Variants in TRANK1 observed in about 807,000 individuals in gnomAD.
TRANK1 encodes TPR and ankyrin repeat-containing protein 1.
In TRANK1, 198 loss-of-function variants were observed where a neutral mutation model predicts 266.0. That is an observed-to-expected ratio of 0.74 (90% confidence interval 0.66 to 0.84). TRANK1 has a LOEUF of 0.84. Among genes scored for constraint, TRANK1 ranks in the 40% least tolerant of loss-of-function variants. TRANK1 has a pLI of 0.00. For synonymous variants in TRANK1, 1,396 were observed against 1,384.1 expected (o/e 1.01, Z -0.19); for missense variants, 3,326 against 3,634.6 (o/e 0.92, Z 2.18).
chr3:36,838,191 G>C (rs2078795404), intron 20 of TRANK1, among the ~76,000 whole-genome samples, 181 bp downstream of exon 20: 1 of 152,160 alleles, frequency 6.6e-6, no homozygotes, highest in Non-Finnish European at 1.5e-5. Flanking sequence ...ACTGTCTTCA[G>C]AGCCTCCTCA....
intron 2 of TRANK1, among the ~76,000 whole-genome samples, chr3:36,905,058 G>C (rs1473712562): frequency 6.6e-6 from 1 of 151,952 alleles, no homozygotes; most frequent in Non-Finnish European, 1.5e-5. Context: ...AGGAGGCCGA[G>C]CGGGCGGATC....
At chr3:36,878,727 A>G (rs1277442385) in intron 8 of TRANK1, among the ~76,000 whole-genome samples, 1 of 151,842 alleles carries the variant, frequency 6.6e-6, no homozygotes, top group African/African-American at 2.4e-5. Context: ...CAGTTTACCT[A>G]TATAATAAAC....
At chr3:36,916,527 T>C (rs2080126386) in intron 1 of TRANK1, among the ~76,000 whole-genome samples, 1 of 152,138 alleles carries the variant, frequency 6.6e-6, no homozygotes, top group Admixed American at 6.5e-5. Flanking sequence ...GCCACTGCAC[T>C]CCAGCCTGGG....
At chr3:36,836,307 GGGAGCCA>G (rs11278642) in intron 20 of TRANK1, among the ~76,000 whole-genome samples, 55,728 of 151,616 alleles carry the variant, frequency 0.37, 10,650 homozygotes, top group African/African-American at 0.45. Flanking sequence ...TGCTATGTGT[GGGAGCCA>G]GGAGCCAGTG....
chr3:36,877,873 TAAAC>T (rs1456698959), intron 8 of TRANK1, among the ~76,000 whole-genome samples: 1 of 152,236 alleles, frequency 6.6e-6, no homozygotes, highest in Admixed American at 6.5e-5. Context: ...TTTTAAATAA[TAAAC>T]AATATACAGT....
At position 36,879,794 on chromosome 3, in the gene TRANK1, A is replaced by ATGTAAATATACAAATATATG. The variant is rs1297161012; in HGVS notation, c.908-5499_908-5498insCATATATTTGTATATTTACA. 6.4e-5 allele frequency among the ~76,000 whole-genome samples: 3 copies of ATGTAAATATACAAATATATG among 47,082 alleles called. 1 individual carries two copies. The highest frequency in any genetic ancestry group is 1.1e-4 in the Non-Finnish European group (3 of 26,546). The allele number at this position is 47,082 out of a possible 152,430, so 30.9% of individuals were successfully genotyped here. A position where few individuals can be genotyped will look rare whatever the true frequency, so the allele number is the denominator to read the frequency against. On this transcript the variant is annotated intron_variant, in intron 8 of 23. Coordinates refer to ENST00000645898, the MANE Select transcript of TRANK1 (RefSeq NM_001329998.2). Reference sequence around the variant, plus strand: ...TAAATATATATAAATATGTAAATATATAAATATACAAATATATGTAAATAT... The same window carrying ATGTAAATATACAAATATATG: ...TAAATATATATAAATATGTAAATATATGTAAATATACAAATATATGTAAATATACAAATATATGTAAATAT...
chr3:36,851,318 T>C (rs2078981859), intron 15 of TRANK1: 2 of 993,694 alleles, frequency 2.0e-6, no homozygotes, highest in Non-Finnish European at 2.4e-6. Flanking sequence ...TCTCTATCTA[T>C]GAACTGACCT....
chr3:36,917,619 G>A (rs776254119), intron 1 of TRANK1, among the ~76,000 whole-genome samples: 1 of 152,186 alleles, frequency 6.6e-6, no homozygotes, highest in Non-Finnish European at 1.5e-5. Context: ...AGAGAAGAGA[G>A]AGGCGAGTTT....
In TRANK1 at chr3:36,829,495, C is replaced by T. The variant is rs377511972; in HGVS notation, c.8809+69G>A. 2.9e-5 allele frequency: 44 copies of T among 1,520,842 alleles called. No homozygotes were observed. The East Asian group carries it at 4.8e-4, about 16-fold the overall frequency. 94.2% of individuals were successfully genotyped at this position (1,520,842 alleles called of 1,614,324 possible). A position where few individuals can be genotyped will look rare whatever the true frequency, so the allele number is the denominator to read the frequency against. On this transcript the variant is annotated intron_variant, in intron 23 of 23. Coordinates refer to ENST00000645898, the MANE Select transcript of TRANK1 (RefSeq NM_001329998.2). ...GGGCTGCCCCACTTCAGATTCCCCC[C>T]GGGAGCCAGCAGTAATAAGAACCAC... is the stretch of plus-strand genomic sequence containing the variant.
chr3:36,944,765 T>G, intron 1 of TRANK1, 22 bp downstream of exon 1: 1 of 1,500,058 alleles, frequency 6.7e-7, no homozygotes, highest in Non-Finnish European at 8.8e-7. Flanking sequence ...GATGCCCCAG[T>G]GCTTCCCGCG....
In TRANK1 at chr3:36,884,421, T is replaced by C. The variant is rs1483976829; in HGVS notation, c.907+5408A>G. On this transcript the variant is annotated intron_variant, in intron 8 of 23. Transcript: ENST00000645898. ...TGAACCTGGAACACCTTGTGGTGTC[T>C]GAAAGTAAGGAAGTGCTCAAGGGGA... Among the ~76,000 whole-genome samples the C allele has an allele frequency of 5.9e-5, 9 of 152,128 alleles. No homozygotes were observed. In the East Asian group the frequency reaches 1.7e-3, roughly 29 times the overall value.
chr3:36,877,439 A>G (rs1032433806), intron 8 of TRANK1, among the ~76,000 whole-genome samples: 4 of 152,228 alleles, frequency 2.6e-5, no homozygotes, highest in Non-Finnish European at 5.9e-5. Context: ...TCCTTCAAAC[A>G]AGAAATTTCT....
chr3:36,889,260 A>G (rs932427403), intron 8 of TRANK1, among the ~76,000 whole-genome samples: 8 of 152,218 alleles, frequency 5.3e-5, no homozygotes, highest in Admixed American at 3.3e-4. Context: ...AAGAAAAATG[A>G]GTGACATCAG....
intron 20 of TRANK1, among the ~76,000 whole-genome samples, chr3:36,837,272 G>A (rs1259693047): frequency 6.6e-6 from 1 of 152,154 alleles, no homozygotes; most frequent in Non-Finnish European, 1.5e-5. Context: ...TTGTATCCCT[G>A]TTCCATTCCC....
In TRANK1 at chr3:36,858,914, A is replaced by AAGCGCAATGTG; in HGVS notation, c.1496-31_1496-21dup. On this transcript the variant is annotated intron_variant, in intron 11 of 23. Coordinates refer to ENST00000645898, the MANE Select transcript of TRANK1 (RefSeq NM_001329998.2). The stretch of plus-strand genomic sequence containing the variant: ...GCAAGGCTGGGAGAGGAGAGAAGGG[A>AAGCGCAATGTG]AGCGCAATGTGAGCAGGCACAGCCT... The AAGCGCAATGTG allele has an allele frequency of 2.0e-6, 3 of 1,524,254 alleles. No individual in the cohort carries two copies. Among genetic ancestry groups the AAGCGCAATGTG allele is most frequent in the Non-Finnish European group, 2.6e-6 (3 of 1,140,710 alleles). The allele number at this position is 1,524,254 out of a possible 1,614,324, so 94.4% of individuals were successfully genotyped here. A position where few individuals can be genotyped will look rare whatever the true frequency, so the allele number is the denominator to read the frequency against.
At chr3:36,841,727 G>C (rs955500195) in intron 18 of TRANK1, among the ~76,000 whole-genome samples, 3 of 152,158 alleles carry the variant, frequency 2.0e-5, no homozygotes, top group African/African-American at 7.2e-5. Context: ...GAATTCTGCT[G>C]AGGGAACGGA....
At chr3:36,879,889 CATGCAAATATAT>C (rs2079482601) in intron 8 of TRANK1, among the ~76,000 whole-genome samples, 1 of 19,812 alleles carries the variant, frequency 5.0e-5, no homozygotes, top group Non-Finnish European at 9.3e-5. Flanking sequence ...TATATGTAAA[CATGCAAATATAT>C]GTAAACATGC....
At chr3:36,851,521 A>T in intron 15 of TRANK1, 198 bp downstream of exon 15, 8 of 1,225,610 alleles carry the variant, frequency 6.5e-6, no homozygotes, top group Non-Finnish European at 8.6e-6. Context: ...CCCATGACAC[A>T]CTGTGAAACA....
chr3:36,838,847 G>T, intron 18 of TRANK1, 131 bp from the exon 19 acceptor site: 1 of 850,556 alleles, frequency 1.2e-6, no homozygotes, highest in Non-Finnish European at 1.8e-6. Flanking sequence ...TGAGAAGGAG[G>T]AGCAGGAAGG....
Sources: allele counts gnomAD v4.1 joint callset (sites outside exome capture counted in the v4.1 genomes callset), GRCh38; gene constraint gnomAD v4.1.1; transcripts MANE v1.5; gene names NCBI Gene and HGNC (gene_info 2026-07-23, HGNC 2026-07-21).